Variants in SORT1 observed in about 807,000 individuals in gnomAD.
The protein encoded by SORT1 is sortilin.
SORT1 carries 39 observed loss-of-function variants against 101.7 expected under a neutral mutation model. The observed-to-expected ratio is 0.38, with a 90% CI of 0.30 to 0.50. SORT1 has a LOEUF of 0.50. Among genes scored for constraint, SORT1 ranks in the 20% least tolerant of loss-of-function variants. SORT1 has a pLI of 0.90. For synonymous variants in SORT1, 396 were observed against 393.7 expected (o/e 1.01, Z -0.07); for missense variants, 878 against 1,040.4 (o/e 0.84, Z 2.15).
At chr1:109,355,890 C>A (rs1553196426) in intron 3 of SORT1, among the ~76,000 whole-genome samples, 1 of 150,056 alleles carries the variant, frequency 6.7e-6, no homozygotes, top group Non-Finnish European at 1.5e-5. Context: ...TTTTTTTTTC[C>A]TTTGAGACAA....
At chr1:109,351,828 G>A (rs376534908) in intron 5 of SORT1, among the ~76,000 whole-genome samples, 2 of 152,202 alleles carry the variant, frequency 1.3e-5, no homozygotes, top group South Asian at 4.1e-4. Flanking sequence ...GGAAAAGCAG[G>A]GAATGACTGC....
chr1:109,365,912 C>A (rs1280017731), intron 3 of SORT1, among the ~76,000 whole-genome samples: 3 of 152,170 alleles, frequency 2.0e-5, no homozygotes, highest in Non-Finnish European at 4.4e-5. Context: ...TTAGGCTAAT[C>A]CATTTCAGAG....
chr1:109,331,278 G>A (rs538307567), intron 11 of SORT1, among the ~76,000 whole-genome samples: 87 of 152,262 alleles, frequency 5.7e-4, no homozygotes, highest in African/African-American at 2.0e-3. Context: ...CCATGATCAA[G>A]TAGGATCTAT....
chr1:109,341,967 G>A, intron 9 of SORT1, 47 bp downstream of exon 9: 1 of 1,577,174 alleles, frequency 6.3e-7, no homozygotes, highest in Non-Finnish European at 8.7e-7. Context: ...GCTGCTCAAA[G>A]CTTACATCTC....
chr1:109,317,250 C>T (rs1647279464), intron 16 of SORT1, among the ~76,000 whole-genome samples: 1 of 152,228 alleles, frequency 6.6e-6, no homozygotes, highest in East Asian at 1.9e-4. Context: ...ACAAGTGGTA[C>T]AAAATGGGAG....
intron 8 of SORT1, among the ~76,000 whole-genome samples, chr1:109,344,227 G>A (rs1038658991): frequency 4.6e-5 from 7 of 152,150 alleles, no homozygotes; most frequent in Non-Finnish European, 8.8e-5. Flanking sequence ...GAGAGCTCCC[G>A]GCGCTCCCGC....
intron 1 of SORT1, among the ~76,000 whole-genome samples, chr1:109,388,824 C>A (rs1370574800): frequency 2.0e-5 from 3 of 152,164 alleles, no homozygotes; most frequent in South Asian, 2.1e-4. Flanking sequence ...TGTCCATGGT[C>A]ACCACTGAAG....
chr1:109,324,927 A>G lies in SORT1; in HGVS notation c.1806T>C (p.Ile602=), dbSNP rs1038209082. Residue 602 remains isoleucine (I), a synonymous_variant, in exon 14 of 20, where the codon ATT becomes ATC. Transcript: ENST00000256637. The part of the protein sequence containing the change: ...FLTSQWVSYT[I]DFKDILERNC... Reference sequence around the variant, plus strand: ...TCCTTTCAAGGATATCTTTAAAATCAATGGTGTAGGAGACCCACTGGCTGG... The same window carrying G: ...TCCTTTCAAGGATATCTTTAAAATCGATGGTGTAGGAGACCCACTGGCTGG... 1.9e-6 allele frequency: 3 copies of G among 1,610,728 alleles called. No homozygotes were observed. Among genetic ancestry groups the G allele is most frequent in the African/African-American group, 2.7e-5 (2 of 74,832 alleles).
intron 5 of SORT1, among the ~76,000 whole-genome samples, chr1:109,352,266 T>C (rs370453294): frequency 6.6e-6 from 1 of 152,198 alleles, no homozygotes; most frequent in East Asian, 1.9e-4. Context: ...GAAAATCTTA[T>C]ACATTATAGG....
At chr1:109,383,108 A>G (rs1652360869) in intron 1 of SORT1, among the ~76,000 whole-genome samples, 1 of 152,206 alleles carries the variant, frequency 6.6e-6, no homozygotes, top group Non-Finnish European at 1.5e-5. Flanking sequence ...GTCATGAGAA[A>G]CTTACATGTT....
intron 1 of SORT1, among the ~76,000 whole-genome samples, chr1:109,374,181 ATAATTAG>A (rs969949907): frequency 2.0e-5 from 3 of 152,222 alleles, no homozygotes; most frequent in Non-Finnish European, 4.4e-5. Context: ...AAATAACAAG[ATAATTAG>A]TAGATAAGGA....
At chr1:109,377,248 G>A (rs1651921020) in intron 1 of SORT1, among the ~76,000 whole-genome samples, 1 of 152,118 alleles carries the variant, frequency 6.6e-6, no homozygotes, top group Admixed American at 6.6e-5. Context: ...CTTAATGGCA[G>A]ACGCTATAAT....
At chr1:109,378,397 C>T (rs757051381) in intron 1 of SORT1, among the ~76,000 whole-genome samples, 13 of 151,676 alleles carry the variant, frequency 8.6e-5, no homozygotes, top group Non-Finnish European at 1.2e-4. Flanking sequence ...TGAGAGAGGC[C>T]ACTGGATCAC....
At chr1:109,314,516 A>AT (rs1557775324) in intron 18 of SORT1, 132 bp from the exon 19 acceptor site, 2 of 1,225,354 alleles carry the variant, frequency 1.6e-6, no homozygotes, top group Non-Finnish European at 2.3e-6. Context: ...CATGGTTGAC[A>AT]TATGAAAAAT....
At chr1:109,358,563 C>T (rs1014749412) in intron 3 of SORT1, among the ~76,000 whole-genome samples, 3 of 152,120 alleles carry the variant, frequency 2.0e-5, no homozygotes, top group African/African-American at 7.2e-5. Context: ...GCTTTAGAAA[C>T]AAGTCTTTTT....
chr1:109,346,923 G>C (rs1302628530), intron 7 of SORT1, among the ~76,000 whole-genome samples: 1 of 152,142 alleles, frequency 6.6e-6, no homozygotes, highest in Non-Finnish European at 1.5e-5. Flanking sequence ...CAATCCTGCT[G>C]TCTCAGCCTC....
At position 109,387,820 on chromosome 1, in the gene SORT1, G is replaced by A. The variant is rs113554026; in HGVS notation, c.306+9767C>T. Among the ~76,000 whole-genome samples, 7 of 152,022 alleles carry A rather than the reference G, an allele frequency of 4.6e-5. No individual in the cohort carries two copies. The East Asian group carries it at 7.8e-4, about 17-fold the overall frequency. On this transcript the variant is annotated intron_variant, in intron 1 of 19. Coordinates refer to ENST00000256637, the MANE Select transcript of SORT1 (RefSeq NM_002959.7). Reference sequence around the variant, plus strand: ...ACAAAAATTAGCCGGGTGTGGTGGCGGGCACCTGTAATCCCAGCTACTTGG... The same window carrying A: ...ACAAAAATTAGCCGGGTGTGGTGGCAGGCACCTGTAATCCCAGCTACTTGG...
chr1:109,393,829 A>G (rs1017990773), intron 1 of SORT1, among the ~76,000 whole-genome samples: 2 of 152,006 alleles, frequency 1.3e-5, no homozygotes, highest in African/African-American at 2.4e-5. Context: ...CTCATTACAA[A>G]TACAATATTA....
intron 1 of SORT1, among the ~76,000 whole-genome samples, chr1:109,387,971 A>G (rs2101656100): frequency 6.6e-6 from 1 of 152,226 alleles, no homozygotes; most frequent in South Asian, 2.1e-4. Flanking sequence ...AAAAAGAAAG[A>G]AAGGCATTTT....
Sources: allele counts gnomAD v4.1 joint callset (sites outside exome capture counted in the v4.1 genomes callset), GRCh38; gene constraint gnomAD v4.1.1; transcripts MANE v1.5; gene names NCBI Gene and HGNC (gene_info 2026-07-23, HGNC 2026-07-21).